EVI5: variants seen among roughly 807,000 people sequenced by gnomAD.
EVI5 encodes ecotropic viral integration site 5, also known as ecotropic viral integration site 5 protein homolog.
In EVI5, 73 loss-of-function variants were observed where a neutral mutation model predicts 112.0. The observed-to-expected ratio is 0.65, with a 90% CI of 0.54 to 0.79. The LOEUF (loss-of-function observed/expected upper bound fraction) is 0.79. Ranked by LOEUF, EVI5 falls within the 30% of genes least tolerant of loss-of-function variation. The pLI is 0.00. For missense variants in EVI5, 900 were observed against 968.8 expected (o/e 0.93, Z 0.94); for synonymous variants, 305 against 319.9 (o/e 0.95, Z 0.50).
intron 6 of EVI5, among the ~76,000 whole-genome samples, chr1:92,697,641 G>C (rs1670517536): frequency 6.6e-6 from 1 of 152,126 alleles, no homozygotes; most frequent in African/African-American, 2.4e-5. Context: ...AATGCTTAAG[G>C]ATTGAATATG....
intron 18 of EVI5, among the ~76,000 whole-genome samples, chr1:92,565,113 A>G (rs1399607940): frequency 6.6e-6 from 1 of 152,230 alleles, no homozygotes; most frequent in Non-Finnish European, 1.5e-5. Flanking sequence ...GAAACTACTG[A>G]GTAACTCCTG....
At chr1:92,709,520 A>C (rs908173484) in intron 2 of EVI5, among the ~76,000 whole-genome samples, 3 of 152,182 alleles carry the variant, frequency 2.0e-5, no homozygotes, top group African/African-American at 7.2e-5. Flanking sequence ...TTATAAATAA[A>C]GGAAGATATA....
intron 1 of EVI5, among the ~76,000 whole-genome samples, chr1:92,764,144 C>T (rs1027173181): frequency 3.9e-5 from 6 of 152,148 alleles, no homozygotes; most frequent in African/African-American, 1.4e-4. Flanking sequence ...TGCTAGAGAA[C>T]TTCACTAAAT....
In EVI5 at chr1:92,607,613, C is replaced by T; in HGVS notation, c.1942G>A (p.Ala648Thr). The T allele has an allele frequency of 6.3e-7, 1 of 1,595,934 alleles. No individual in the cohort carries two copies. Among genetic ancestry groups the T allele is most frequent in the Non-Finnish European group, 8.5e-7 (1 of 1,174,516 alleles). Residue 648 changes from alanine to threonine, a missense_variant, in exon 17 of 20, where the codon GCA (alanine) becomes ACA (threonine). Physicochemically the swap from Ala to Thr is moderately conservative, Grantham distance 58. Coordinates refer to ENST00000684568, the MANE Select transcript of EVI5 (RefSeq NM_001350197.2). ...TCAATCTCTGCTTGTTTACGCTTTGCTTCACTTAATTGAGTAAGGAGTCCT... is the reference window on the plus strand; with the variant it reads ...TCAATCTCTGCTTGTTTACGCTTTGTTTCACTTAATTGAGTAAGGAGTCCT... ...NKGLLTQLSE[A>T]KRKQAEIECK...
chr1:92,752,876 T>G (rs1680402665), intron 1 of EVI5, among the ~76,000 whole-genome samples: 1 of 152,174 alleles, frequency 6.6e-6, no homozygotes, highest in African/African-American at 2.4e-5. Flanking sequence ...TAGAATCTAC[T>G]TTCTAAAAGA....
intron 13 of EVI5, among the ~76,000 whole-genome samples, chr1:92,649,454 T>G (rs1490016406): frequency 6.6e-6 from 1 of 152,254 alleles, no homozygotes; most frequent in East Asian, 1.9e-4. Flanking sequence ...TCCAAGGTCA[T>G]GAAGATTTAT....
intron 9 of EVI5, among the ~76,000 whole-genome samples, chr1:92,684,829 G>A (rs971854326): frequency 5.3e-5 from 8 of 152,002 alleles, no homozygotes; most frequent in African/African-American, 1.9e-4. Context: ...TAATGGTAAA[G>A]GGATCAATTC....
chr1:92,551,040 CTTTTTT>C (rs55898086), intron 19 of EVI5, among the ~76,000 whole-genome samples: 3 of 80,702 alleles, frequency 3.7e-5, no homozygotes, highest in Non-Finnish European at 6.4e-5. Flanking sequence ...TTCTTTCTTT[CTTTTTT>C]TTTTTTTTTT....
intron 14 of EVI5, among the ~76,000 whole-genome samples, chr1:92,632,944 T>C (rs532688021): frequency 2.5e-4 from 38 of 152,318 alleles, no homozygotes; most frequent in African/African-American, 8.4e-4. Context: ...CAGTAGTCAT[T>C]CAGGAGCAGG....
chr1:92,701,880 T>C (rs151067628), intron 5 of EVI5, among the ~76,000 whole-genome samples: 39 of 148,838 alleles, frequency 2.6e-4, no homozygotes, highest in African/African-American at 9.5e-4. Context: ...TTTAAACTAC[T>C]GTAGATTCAA....
At position 92,636,264 on chromosome 1, in the gene EVI5, T is replaced by C. The variant is rs758302738; in HGVS notation, c.1465A>G (p.Ser489Gly). 2 of 1,613,824 alleles carry C rather than the reference T, an allele frequency of 1.2e-6. No individual in the cohort carries two copies. The highest frequency in any genetic ancestry group is 2.2e-5 in the South Asian group (2 of 91,060). ...LEKELVQARL[S>G]EAESQCALKE... The stretch of plus-strand genomic sequence containing the variant: ...AATGCACACTGAGACTCAGCTTCAC[T>C]CAGTCGGGCTTGGACCAATTCCTTC... The change falls in exon 14 of 20, where the codon AGT becomes GGT. Residue 489 changes from serine (S) to glycine (G), a missense_variant. Transcript: ENST00000684568.
intron 9 of EVI5, among the ~76,000 whole-genome samples, chr1:92,685,287 C>T (rs1668324670): frequency 6.6e-6 from 1 of 152,168 alleles, no homozygotes; most frequent in African/African-American, 2.4e-5. Context: ...AACTGAACAA[C>T]CTGCTCCTGA....
chr1:92,671,769 C>G (rs1052213356), intron 10 of EVI5, among the ~76,000 whole-genome samples: 1 of 151,268 alleles, frequency 6.6e-6, no homozygotes, highest in African/African-American at 2.4e-5. Context: ...ATTCAGAATC[C>G]AATTACTTCT....
At chr1:92,699,115 C>T (rs939085341) in intron 5 of EVI5, among the ~76,000 whole-genome samples, 1 of 152,102 alleles carries the variant, frequency 6.6e-6, no homozygotes, top group African/African-American at 2.4e-5. Flanking sequence ...TTGACACAGC[C>T]ACGGACAGGG....
intron 2 of EVI5, among the ~76,000 whole-genome samples, chr1:92,728,909 G>C (rs1459508432): frequency 6.6e-6 from 1 of 152,086 alleles, no homozygotes; most frequent in South Asian, 2.1e-4. Context: ...GTAACCATCT[G>C]AGTCAGTTAT....
At chr1:92,771,199 A>G (rs926030330) in intron 1 of EVI5, among the ~76,000 whole-genome samples, 2 of 152,032 alleles carry the variant, frequency 1.3e-5, no homozygotes, top group African/African-American at 4.8e-5. Flanking sequence ...CTTCTGTTAA[A>G]TCACTTTCCT....
intron 1 of EVI5, among the ~76,000 whole-genome samples, chr1:92,748,669 T>C (rs900358844): frequency 6.6e-6 from 1 of 152,026 alleles, no homozygotes; most frequent in African/African-American, 2.4e-5. Flanking sequence ...ATACCAGACT[T>C]ATTTTTATTT....
chr1:92,572,156 T>C (rs1167672647), intron 18 of EVI5, among the ~76,000 whole-genome samples: 1 of 152,132 alleles, frequency 6.6e-6, no homozygotes, highest in Non-Finnish European at 1.5e-5. Flanking sequence ...GAGCTTTGTA[T>C]GTATGAGGTT....
intron 16 of EVI5, among the ~76,000 whole-genome samples, chr1:92,609,128 C>A (rs779340847): frequency 2.6e-5 from 4 of 152,122 alleles, no homozygotes; most frequent in Admixed American, 1.3e-4. Context: ...TCTCTCAACC[C>A]GAAATTATTC....
Sources: allele counts gnomAD v4.1 joint callset (sites outside exome capture counted in the v4.1 genomes callset), GRCh38; gene constraint gnomAD v4.1.1; transcripts MANE v1.5; gene names NCBI Gene and HGNC (gene_info 2026-07-23, HGNC 2026-07-21).